ANO10: variants seen among roughly 807,000 people sequenced by gnomAD.
ANO10 encodes anoctamin 10, also known as anoctamin-10.
A neutral mutation model predicts 74.7 loss-of-function variants in ANO10; 77 were observed. That is an observed-to-expected ratio of 1.03 (90% CI 0.86 to 1.25). The LOEUF is 1.25. ANO10 is among the 50% of genes most tolerant of loss of function. The pLI is 0.00. For synonymous variants in ANO10, 279 were observed against 284.9 expected (o/e 0.98, Z 0.21); for missense variants, 721 against 778.1 (o/e 0.93, Z 0.87).
intron 11 of ANO10, among the ~76,000 whole-genome samples, chr3:43,497,078 A>G (rs1160908911): frequency 6.6e-6 from 1 of 152,212 alleles, no homozygotes; most frequent in Non-Finnish European, 1.5e-5. Flanking sequence ...GATGGGATGA[A>G]GAGTACATAT....
At chr3:43,572,890 G>GA (rs1190457378) in intron 7 of ANO10, among the ~76,000 whole-genome samples, 5 of 151,996 alleles carry the variant, frequency 3.3e-5, no homozygotes, top group Non-Finnish European at 5.9e-5. Flanking sequence ...AGCAGAAGTT[G>GA]AAAAGCAAAA....
At chr3:43,649,280 T>C (rs750269741) in intron 1 of ANO10, among the ~76,000 whole-genome samples, 1 of 152,230 alleles carries the variant, frequency 6.6e-6, no homozygotes, top group Non-Finnish European at 1.5e-5. Flanking sequence ...ATGTTTTGTT[T>C]ACCTCACAGA....
At chr3:43,481,486 C>T (rs1192459052) in intron 11 of ANO10, among the ~76,000 whole-genome samples, 2 of 152,156 alleles carry the variant, frequency 1.3e-5, no homozygotes. Flanking sequence ...ACCTGAAAAA[C>T]TAGTTCAGGC....
chr3:43,543,453 G>C (rs548099088), intron 11 of ANO10, among the ~76,000 whole-genome samples: 1 of 152,266 alleles, frequency 6.6e-6, no homozygotes, highest in East Asian at 1.9e-4. Flanking sequence ...GCAGTGGCCG[G>C]ATCTCAGCTC....
At chr3:43,544,150 G>A (rs1283875754) in intron 11 of ANO10, among the ~76,000 whole-genome samples, 1 of 152,076 alleles carries the variant, frequency 6.6e-6, no homozygotes, top group African/African-American at 2.4e-5. Context: ...AACTAAGTTT[G>A]CCTCAAAAAG....
chr3:43,459,113 T>C (rs886662324), intron 11 of ANO10, among the ~76,000 whole-genome samples: 3 of 152,146 alleles, frequency 2.0e-5, no homozygotes, highest in African/African-American at 7.2e-5. Context: ...CTAAGAGCAA[T>C]AGCTAGCTGC....
chr3:43,395,136 TATTATCAGGTA>T (rs1427563211), intron 12 of ANO10, among the ~76,000 whole-genome samples: 1 of 152,080 alleles, frequency 6.6e-6, no homozygotes. Flanking sequence ...TAATCAATGT[TATTATCAGGTA>T]ATTATCAGGG....
At chr3:43,484,148 G>T (rs185075190) in intron 11 of ANO10, among the ~76,000 whole-genome samples, 8 of 152,118 alleles carry the variant, frequency 5.3e-5, no homozygotes, top group Admixed American at 2.0e-4. Context: ...GCCCAGGCTG[G>T]TCTCAATCTC....
At chr3:43,561,651 A>C (rs2080042642) in intron 8 of ANO10, among the ~76,000 whole-genome samples, 1 of 152,198 alleles carries the variant, frequency 6.6e-6, no homozygotes, top group East Asian at 1.9e-4. Flanking sequence ...AAGATAAATA[A>C]GATTATAATA....
chr3:43,552,934 TG>T (rs2079554299), intron 10 of ANO10, among the ~76,000 whole-genome samples: 1 of 151,822 alleles, frequency 6.6e-6, no homozygotes, highest in Non-Finnish European at 1.5e-5. Context: ...GCTGGGATTA[TG>T]GGCACCCACA....
At chr3:43,604,462 C>T (rs970806465) in intron 2 of ANO10, among the ~76,000 whole-genome samples, 18 of 151,878 alleles carry the variant, frequency 1.2e-4, no homozygotes, top group African/African-American at 3.6e-4. Context: ...ACTATTCAGC[C>T]GCCTGTTTCC....
chr3:43,504,506 A>G lies in ANO10; in HGVS notation c.1797+45214T>C, dbSNP rs151067792. On this transcript the variant is annotated intron_variant, in intron 11 of 12. Coordinates refer to ENST00000292246, the MANE Select transcript of ANO10 (RefSeq NM_018075.5). The stretch of plus-strand genomic sequence containing the variant: ...TGTAATTGGTACCTAGCTGATTGCA[A>G]CTGTAGCTATCTATAATGGCATAGT... Among the ~76,000 whole-genome samples the G allele has an allele frequency of 2.1e-3, 317 of 152,296 alleles. 2 individuals carry two copies. The highest frequency in any genetic ancestry group is 7.2e-3 in the African/African-American group (301 of 41,564).
chr3:43,593,962 T>A (rs2081948060), intron 4 of ANO10, among the ~76,000 whole-genome samples: 1 of 152,156 alleles, frequency 6.6e-6, no homozygotes, highest in Non-Finnish European at 1.5e-5. Flanking sequence ...GTTGCAATCC[T>A]AGTCTCTGAT....
rs1352711563 is a variant in ANO10, at chr3:43,605,751, C to T, written c.102G>A (p.Trp34Ter). The T allele has an allele frequency of 2.5e-6, 4 of 1,613,630 alleles. No individual in the cohort carries two copies. Among genetic ancestry groups the T allele is most frequent in the South Asian group, 1.1e-5 (1 of 91,080 alleles). The change falls in exon 2 of 13, where the codon TGG (tryptophan) becomes TGA (stop). Residue 34 changes from tryptophan to a stop codon, truncating the protein, a stop_gained. Coordinates refer to ENST00000292246, the MANE Select transcript of ANO10 (RefSeq NM_018075.5). LOFTEE classifies it high-confidence loss of function. The stretch of plus-strand genomic sequence containing the variant: ...TTTTAGCTATAATTCTGTTTTTCAG[C>T]CATTCTTTGGTTTCTTCTTTGACAT... ...AQDVKEETKE[W>*]LKNRIIAKKK...
chr3:43,549,277 C>T, intron 11 of ANO10, among the ~76,000 whole-genome samples: 1 of 125,262 alleles, frequency 8.0e-6, no homozygotes, highest in Non-Finnish European at 1.6e-5. Context: ...CAAATTACAT[C>T]AGGTACCAAA....
At chr3:43,394,070 G>A (rs919923209) in intron 12 of ANO10, among the ~76,000 whole-genome samples, 68 of 152,170 alleles carry the variant, frequency 4.5e-4, no homozygotes, top group African/African-American at 1.6e-3. Context: ...TCATTTGCAT[G>A]AGAATTGGGG....
intron 4 of ANO10, among the ~76,000 whole-genome samples, chr3:43,594,098 C>A (rs1034309503): frequency 8.5e-5 from 13 of 152,174 alleles, no homozygotes; most frequent in African/African-American, 1.9e-4. Context: ...CAGGAGCACC[C>A]AGATTCATAA....
At chr3:43,466,626 G>T (rs1255442742) in intron 11 of ANO10, among the ~76,000 whole-genome samples, 1 of 152,004 alleles carries the variant, frequency 6.6e-6, no homozygotes, top group Non-Finnish European at 1.5e-5. Context: ...ACTTGAAATG[G>T]ATCATAGGTA....
At position 43,366,963 on chromosome 3, in the gene ANO10, G is replaced by C. The variant is rs747153209; in HGVS notation, c.1926C>G (p.Leu642=). The C allele has an allele frequency of 1.2e-6, 2 of 1,601,256 alleles. No homozygotes were observed. Among genetic ancestry groups the C allele is most frequent in the Admixed American group, 1.7e-5 (1 of 58,028 alleles). The change falls in exon 13 of 13, where the codon CTC becomes CTG. Residue 642 remains leucine (L), a synonymous_variant. Coordinates refer to ENST00000292246, the MANE Select transcript of ANO10 (RefSeq NM_018075.5). ...GTTCCTCCTTCAGGTTCTCGGTCAC[G>C]AGCTTCATTTGCTGTTAAGAGAAAA... is the stretch of plus-strand genomic sequence containing the variant. ...LEALKQQQMK[L]VTENLKEEPM...
Sources: allele counts gnomAD v4.1 joint callset (sites outside exome capture counted in the v4.1 genomes callset), GRCh38; gene constraint gnomAD v4.1.1; transcripts MANE v1.5; gene names NCBI Gene and HGNC (gene_info 2026-07-23, HGNC 2026-07-21).